HELZ: variants seen among roughly 807,000 people sequenced by gnomAD.
HELZ encodes helicase with zinc finger.
A neutral mutation model predicts 218.2 loss-of-function variants in HELZ; 23 were observed. The observed-to-expected ratio is 0.11, with a 90% CI of 0.08 to 0.15. HELZ has a LOEUF of 0.15. Among genes scored for constraint, HELZ ranks in the 10% least tolerant of loss-of-function variants. The pLI, the probability that HELZ is intolerant of heterozygous loss-of-function variation, is 1.00. For synonymous variants in HELZ, 814 were observed against 829.4 expected (o/e 0.98, Z 0.32); for missense variants, 1,813 against 2,353.7 (o/e 0.77, Z 4.75).
At chr17:67,205,358 A>G (rs2040269345) in intron 5 of HELZ, among the ~76,000 whole-genome samples, 1 of 152,008 alleles carries the variant, frequency 6.6e-6, no homozygotes, top group Non-Finnish European at 1.5e-5. Context: ...AAGAAAAATG[A>G]CACTCCTACT....
intron 5 of HELZ, 23 bp from the exon 6 acceptor site, chr17:67,203,466 A>G: frequency 6.2e-7 from 1 of 1,611,906 alleles, no homozygotes; most frequent in South Asian, 1.1e-5. Flanking sequence ...AACAGCCATC[A>G]TTAACCATAT....
intron 3 of HELZ, among the ~76,000 whole-genome samples, chr17:67,220,548 T>G (rs1454985813): frequency 6.6e-6 from 1 of 152,172 alleles, no homozygotes; most frequent in Non-Finnish European, 1.5e-5. Flanking sequence ...AGTGGCACAA[T>G]CACTGCTCAC....
intron 31 of HELZ, among the ~76,000 whole-genome samples, chr17:67,104,250 T>C (rs1328240299): frequency 6.6e-6 from 1 of 151,840 alleles, no homozygotes; most frequent in Non-Finnish European, 1.5e-5. Flanking sequence ...CTGGCTAACA[T>C]GGTGAAACCC....
chr17:67,139,814 T>C (rs1313911123), intron 21 of HELZ, among the ~76,000 whole-genome samples: 2 of 152,194 alleles, frequency 1.3e-5, no homozygotes, highest in East Asian at 3.9e-4. Context: ...CTCCCTCCTA[T>C]TCCAGGTACT....
At position 67,186,841 on chromosome 17, in the gene HELZ, C is replaced by A. The variant is rs568452055; in HGVS notation, c.1162+1478G>T. 9.8e-5 allele frequency among the ~76,000 whole-genome samples: 15 copies of A among 152,292 alleles called. No individual in the cohort carries two copies. The South Asian group carries it at 3.1e-3, about 32-fold the overall frequency. Reference sequence around the variant, plus strand: ...GTTGTTCTCTCTTTATGACTTAAATCTCTTTATGATTTAAAAAGGATGCTG... The same window carrying A: ...GTTGTTCTCTCTTTATGACTTAAATATCTTTATGATTTAAAAAGGATGCTG... On this transcript the variant is annotated intron_variant, in intron 12 of 32. Transcript: ENST00000358691.
chr17:67,110,055 G>A (rs530004994), intron 28 of HELZ, among the ~76,000 whole-genome samples: 1 of 151,794 alleles, frequency 6.6e-6, no homozygotes, highest in Non-Finnish European at 1.5e-5. Flanking sequence ...CTGATTTCAG[G>A]GTGGGTTTGG....
intron 13 of HELZ, among the ~76,000 whole-genome samples, chr17:67,169,412 C>T (rs2144165318): frequency 6.6e-6 from 1 of 152,122 alleles, no homozygotes; most frequent in Admixed American, 6.5e-5. Context: ...CAGAAGGGCA[C>T]GAAAGTGTGA....
In HELZ at chr17:67,149,896, G is replaced by A; in HGVS notation, c.2446C>T (p.Arg816Trp). Residue 816 changes from arginine to tryptophan, a missense_variant, in exon 19 of 33, where the codon CGG becomes TGG. This residue lies in a region of HELZ where 714 missense variants were observed against 1,029.2 expected (regional missense o/e 0.69). Transcript: ENST00000358691. The stretch of plus-strand genomic sequence containing the variant: ...ATGTGATCACCAGCCAAGACAATCC[G>A]AGTGTTTTGAGTTGCTAATGCTAGA... ...MPLALATQNTRIVLAGDHMQL... is the reference protein window; with the variant it reads ...MPLALATQNTWIVLAGDHMQL... 2 of 1,609,438 alleles carry A rather than the reference G, an allele frequency of 1.2e-6. No individual in the cohort carries two copies. Among genetic ancestry groups the A allele is most frequent in the East Asian group, 2.2e-5 (1 of 44,600 alleles).
chr17:67,128,424 A>C, intron 24 of HELZ: 1 of 548,504 alleles, frequency 1.8e-6, no homozygotes, highest in Non-Finnish European at 3.3e-6. Context: ...AGAAGTTATC[A>C]GTATTAAAAA....
chr17:67,138,188 C>T, intron 21 of HELZ, 74 bp from the exon 22 acceptor site: 1 of 1,229,092 alleles, frequency 8.1e-7, no homozygotes, highest in Non-Finnish European at 1.1e-6. Flanking sequence ...GTAACTAAAA[C>T]TGATTTATAA....
At chr17:67,174,199 TA>T (rs78852445) in intron 13 of HELZ, among the ~76,000 whole-genome samples, 12,166 of 135,278 alleles carry the variant, frequency 0.09, 1,134 homozygotes, top group African/African-American at 0.25. Flanking sequence ...AATCATCCTT[TA>T]AAAAAAAAAA....
intron 23 of HELZ, among the ~76,000 whole-genome samples, chr17:67,130,825 AC>A (rs1173605735): frequency 6.6e-6 from 1 of 152,182 alleles, no homozygotes; most frequent in Non-Finnish European, 1.5e-5. Context: ...TTTGCGTTGG[AC>A]TTCAAGACAA....
intron 21 of HELZ, among the ~76,000 whole-genome samples, chr17:67,142,158 T>C (rs1333385882): frequency 1.3e-5 from 2 of 151,266 alleles, no homozygotes; most frequent in East Asian, 1.9e-4. Flanking sequence ...ACATGAGACA[T>C]AGAGAAAAAA....
rs560479021 is a variant in HELZ at position 67,244,495 on chromosome 17, T to A, written c.-132+653A>T. The stretch of plus-strand genomic sequence containing the variant: ...TGAGCCCTTGAAAAGGGTACTGGAG[T>A]ACTCTCAAGGAATCTCCAGGAAAAG... On this transcript the variant is annotated intron_variant, in intron 1 of 32. Transcript: ENST00000358691. The A allele has an allele frequency of 2.7e-4, 152 of 558,980 alleles. No homozygotes were observed. The African/African-American group carries it at 2.9e-3, about 10-fold the overall frequency. The allele number at this position is 558,980 out of a possible 1,614,324, so 34.6% of individuals were successfully genotyped here.
chr17:67,218,939 T>C (rs1472367931), intron 3 of HELZ, 117 bp from the exon 4 acceptor site: 8 of 671,246 alleles, frequency 1.2e-5, no homozygotes, highest in Non-Finnish European at 2.0e-5. Context: ...AGCTAGCCTT[T>C]TGATCAAGGT....
chr17:67,185,007 T>G (rs1219702218), intron 12 of HELZ, among the ~76,000 whole-genome samples: 3 of 152,124 alleles, frequency 2.0e-5, no homozygotes, highest in African/African-American at 7.2e-5. Context: ...TTGGCCAACT[T>G]ATACCTGGAA....
In HELZ at chr17:67,215,152, G is replaced by GA. The variant is rs78239924; in HGVS notation, c.247+746dup. 3.1e-3 allele frequency among the ~76,000 whole-genome samples: 452 copies of GA among 145,700 alleles called. 4 individuals carry two copies. Among genetic ancestry groups the GA allele is most frequent in the African/African-American group, 0.01 (406 of 39,820 alleles). The stretch of plus-strand genomic sequence containing the variant: ...GAGCAAGACTCTGTCTCAGAGAGGG[G>GA]AAAAAAAAAACACAGGAAAAATTAC... On this transcript the variant is annotated intron_variant, in intron 5 of 32. Coordinates refer to ENST00000358691, the MANE Select transcript of HELZ (RefSeq NM_014877.4).
chr17:67,125,744 A>C (rs1172086971), intron 24 of HELZ, among the ~76,000 whole-genome samples: 1 of 152,152 alleles, frequency 6.6e-6, no homozygotes, highest in African/African-American at 2.4e-5. Context: ...TGTGAATATT[A>C]ATTAAAGTTA....
chr17:67,216,582 C>G lies in HELZ; in HGVS notation c.211-647G>C, dbSNP rs1252294835. On this transcript the variant is annotated intron_variant, in intron 4 of 32. Transcript: ENST00000358691. ...TTTTTTCTTTAGTGTCTCTTCATGG[C>G]AAAACTCCTCAAGAGTTGTCTATGT... Among the ~76,000 whole-genome samples the G allele has an allele frequency of 5.9e-5, 9 of 151,978 alleles. No individual in the cohort carries two copies. The South Asian group carries it at 1.5e-3, about 25-fold the overall frequency.
Sources: allele counts gnomAD v4.1 joint callset (sites outside exome capture counted in the v4.1 genomes callset), GRCh38; gene constraint gnomAD v4.1.1; regional missense constraint gnomAD v4.1.1; transcripts MANE v1.5; gene names NCBI Gene and HGNC (gene_info 2026-07-23, HGNC 2026-07-21).